The following IL1RL1 variants were observed in gnomAD, a reference collection of about 807,000 sequenced individuals.
IL1RL1 encodes the protein interleukin 1 receptor like 1.
In IL1RL1, 32 loss-of-function variants were observed where a neutral mutation model predicts 50.9. The ratio of observed to expected loss-of-function variants is 0.63; its 90% CI spans 0.47 to 0.84. The LOEUF (loss-of-function observed/expected upper bound fraction) is 0.84, where lower values mean the gene tolerates loss of function less well. IL1RL1 is among the 40% of genes least tolerant of loss of function. The pLI is 0.00. For missense variants in IL1RL1, 773 were observed against 662.9 expected (o/e 1.17, Z -1.82); for synonymous variants, 275 against 236.0 (o/e 1.17, Z -1.51).
chr2:102,339,294 C>A, intron 3 of IL1RL1: 1 of 416,198 alleles, frequency 2.4e-6, no homozygotes, highest in East Asian at 3.8e-5. Flanking sequence ...AGAGAAAAAC[C>A]TAGCTTTCCT....
chr2:102,342,526 T>C (rs1054247300), intron 6 of IL1RL1, among the ~76,000 whole-genome samples: 6 of 152,158 alleles, frequency 3.9e-5, no homozygotes, highest in Non-Finnish European at 8.8e-5. Flanking sequence ...TCATGATGCT[T>C]TCATGTATGC....
chr2:102,344,307 C>A, intron 8 of IL1RL1: 2 of 508,884 alleles, frequency 3.9e-6, no homozygotes, highest in Non-Finnish European at 5.1e-6. Flanking sequence ...TACCATTCAG[C>A]ATGAGATTTG....
At position 102,349,204 on chromosome 2, in the gene IL1RL1, T is replaced by C; in HGVS notation, c.1243T>C (p.Tyr415His). ...LPDVLENKCG[Y>H]TLCIYGRDML... ...TGATGTTCTTGAAAATAAATGTGGC[T>C]ATACCTTATGCATTTATGGGAGAGA... The change falls in exon 10 of 11, where the codon TAT (tyrosine) becomes CAT (histidine). Residue 415 changes from tyrosine (Y) to histidine (H), a missense_variant. Coordinates refer to ENST00000233954, the MANE Select transcript of IL1RL1 (RefSeq NM_016232.5). 1 of 1,613,874 alleles carries C rather than the reference T, an allele frequency of 6.2e-7. No individual in the cohort carries two copies. The highest frequency in any genetic ancestry group is 8.5e-7 in the Non-Finnish European group (1 of 1,179,768).
At chr2:102,348,989 C>A in intron 9 of IL1RL1, 90 bp from the exon 10 acceptor site, 1 of 940,358 alleles carries the variant, frequency 1.1e-6, no homozygotes, top group Non-Finnish European at 1.7e-6. Context: ...TCACCAACAG[C>A]CATAAAACTT....
chr2:102,344,491 C>T (rs558255630), intron 8 of IL1RL1: 50 of 365,032 alleles, frequency 1.4e-4, no homozygotes, highest in Non-Finnish European at 1.8e-4. Context: ...TTTCTTGGCC[C>T]TCAGTTTGCA....
In IL1RL1 at chr2:102,330,539, C is replaced by G. The variant is rs528745557; in HGVS notation, c.-149-7577C>G. Among the ~76,000 whole-genome samples, 4 of 152,278 alleles carry G rather than the reference C, an allele frequency of 2.6e-5. No individual in the cohort carries two copies. The South Asian group carries it at 8.3e-4, about 32-fold the overall frequency. Reference sequence around the variant, plus strand: ...TGTGATTTTAATTGTTTACATTTATCTAATAACTAGTAACTTTGTGCACTT... The same window carrying G: ...TGTGATTTTAATTGTTTACATTTATGTAATAACTAGTAACTTTGTGCACTT... On this transcript the variant is annotated intron_variant, in intron 1 of 10. Transcript: ENST00000233954.
At chr2:102,338,065 A>C (rs1677393068) in intron 1 of IL1RL1, 51 bp from the exon 2 acceptor site, 1 of 395,204 alleles carries the variant, frequency 2.5e-6, no homozygotes, top group Non-Finnish European at 4.6e-6. Context: ...GAAAGTAAAA[A>C]TCATGGCTGA....
chr2:102,314,873 A>G (rs2104957927), intron 1 of IL1RL1, among the ~76,000 whole-genome samples: 1 of 152,202 alleles, frequency 6.6e-6, no homozygotes, highest in South Asian at 2.1e-4. Flanking sequence ...GGCTATATGC[A>G]GTACTGATAA....
Position 102,351,558 on chromosome 2 carries a change from C to T in IL1RL1, c.1308C>T (p.Thr436=), listed in dbSNP as rs151156973. The change falls in exon 11 of 11, where the codon ACC becomes ACT. Residue 436 remains threonine, a synonymous_variant. Coordinates refer to ENST00000233954, the MANE Select transcript of IL1RL1 (RefSeq NM_016232.5). The part of the protein sequence containing the change: ...PGEDVVTAVE[T]NIRKSRRHIF... ...TAGATGTAGTCACTGCAGTGGAAAC[C>T]AACATACGAAAGAGCAGGCGGCACA... The T allele has an allele frequency of 7.7e-5, 124 of 1,613,890 alleles. No homozygotes were observed. The highest frequency in any genetic ancestry group is 5.6e-4 in the South Asian group (51 of 91,058).
intron 8 of IL1RL1, chr2:102,345,310 G>A: frequency 1.0e-6 from 1 of 985,374 alleles, no homozygotes; most frequent in Non-Finnish European, 1.2e-6. Flanking sequence ...CTGAGCACTT[G>A]CCAGTTTCCT....
intron 1 of IL1RL1, among the ~76,000 whole-genome samples, chr2:102,320,571 G>A (rs2104963085): frequency 6.6e-6 from 1 of 152,146 alleles, no homozygotes; most frequent in Middle Eastern, 3.4e-3. Flanking sequence ...GTCTAATGAG[G>A]TGTCAAGCTG....
intron 1 of IL1RL1, among the ~76,000 whole-genome samples, chr2:102,328,438 A>G (rs1192355239): frequency 6.6e-6 from 1 of 152,166 alleles, no homozygotes; most frequent in Non-Finnish European, 1.5e-5. Context: ...CCCTTTGAAA[A>G]CTGGCATGAG....
In IL1RL1 at chr2:102,325,018, C is replaced by T. The variant is rs543945159; in HGVS notation, c.-149-13098C>T. ...GAAGAGAGTAGTGGTTCTCCCAGCA[C>T]GCAGCTGGAGATCTGAGAACGGACA... is the stretch of plus-strand genomic sequence containing the variant. On this transcript the variant is annotated intron_variant, in intron 1 of 10. Coordinates refer to ENST00000233954, the MANE Select transcript of IL1RL1 (RefSeq NM_016232.5). Among the ~76,000 whole-genome samples the T allele has an allele frequency of 3.2e-3, 491 of 152,260 alleles. 2 individuals are homozygous for T. The highest frequency in any genetic ancestry group is 6.8e-3 in the Middle Eastern group (2 of 294).
chr2:102,327,083 A>G (rs1008596803), intron 1 of IL1RL1, among the ~76,000 whole-genome samples: 32 of 152,216 alleles, frequency 2.1e-4, no homozygotes, highest in African/African-American at 6.5e-4. Context: ...ACCTATTCCA[A>G]AATTGACCAC....
At chr2:102,327,247 A>G (rs1182629415) in intron 1 of IL1RL1, among the ~76,000 whole-genome samples, 1 of 152,140 alleles carries the variant, frequency 6.6e-6, no homozygotes, top group African/African-American at 2.4e-5. Flanking sequence ...CCTGCTCCTG[A>G]ATGACTACTG....
intron 1 of IL1RL1, among the ~76,000 whole-genome samples, chr2:102,327,008 T>C (rs559500063): frequency 4.6e-4 from 70 of 152,258 alleles, no homozygotes; most frequent in African/African-American, 1.6e-3. Flanking sequence ...GCAGACCTAA[T>C]AGACATCTAC....
intron 8 of IL1RL1, chr2:102,345,395 G>T: frequency 1.0e-6 from 1 of 985,312 alleles, no homozygotes. Context: ...TAAAAGGAAG[G>T]AAAGAGAGAA....
At chr2:102,327,348 T>C (rs1444444203) in intron 1 of IL1RL1, among the ~76,000 whole-genome samples, 16 of 151,160 alleles carry the variant, frequency 1.1e-4, no homozygotes. Context: ...GGGACATATT[T>C]AAAGCAGTGT....
intron 1 of IL1RL1, among the ~76,000 whole-genome samples, chr2:102,324,736 G>A (rs974370438): frequency 1.3e-5 from 2 of 152,200 alleles, no homozygotes; most frequent in Admixed American, 6.5e-5. Flanking sequence ...TCCTACACCC[G>A]TGGAGCCTCG....
Sources: gnomAD v4.1 joint callset for allele counts (sites outside exome capture counted in the v4.1 genomes callset) on GRCh38, gnomAD v4.1.1 for gene constraint, MANE v1.5 for transcripts, NCBI Gene and HGNC (gene_info 2026-07-23, HGNC 2026-07-21) for gene names.